MTA2: variants seen among roughly 807,000 people sequenced by gnomAD.
The protein encoded by MTA2 is metastasis associated 1 family member 2.
Under a neutral mutation model 87.1 loss-of-function variants are expected in MTA2, and 22 were observed. That is an observed-to-expected ratio of 0.25 (90% CI 0.18 to 0.36). MTA2 has a LOEUF of 0.36. MTA2 is among the 10% of genes least tolerant of loss of function. The pLI, the probability that MTA2 is intolerant of heterozygous loss-of-function variation, is 1.00. For missense variants in MTA2, 542 were observed against 853.2 expected, an observed-to-expected ratio of 0.64 and a Z score of 4.54; for synonymous variants, 314 against 310.1, an observed-to-expected ratio of 1.01 and a Z score of -0.13.
chr11:62,596,224 C>T, intron 11 of MTA2, 55 bp downstream of exon 11: 1 of 1,602,932 alleles, frequency 6.2e-7, no homozygotes, highest in Non-Finnish European at 8.5e-7. Flanking sequence ...GAGGAAGGCA[C>T]AAGTTAGGGG....
rs996545013 is a variant in MTA2, at chr11:62,593,591, C to T, written c.*284G>A. The T allele has an allele frequency of 5.8e-6, 2 of 344,484 alleles. No homozygotes were observed. Among genetic ancestry groups the T allele is most frequent in the Non-Finnish European group, 1.1e-5 (2 of 188,260 alleles). 21.3% of individuals were successfully genotyped at this position (344,484 alleles called of 1,614,324 possible). Reference sequence around the variant, plus strand: ...TTTTAAAAAATTAAAAAACCCTCCCCCCAAAACTGTCCAAGACATCTGTGG... The same window carrying T: ...TTTTAAAAAATTAAAAAACCCTCCCTCCAAAACTGTCCAAGACATCTGTGG... On this transcript the variant is annotated 3_prime_UTR_variant, in exon 18 of 18. Transcript: ENST00000278823.
At chr11:62,600,473 C>G (rs896636302) in intron 2 of MTA2, 149 bp downstream of exon 2, 2 of 857,724 alleles carry the variant, frequency 2.3e-6, no homozygotes, top group African/African-American at 1.7e-5. Context: ...TTCCTGCTAA[C>G]CTCTCAATAG....
At chr11:62,594,111 A>G (rs1590728818) in intron 17 of MTA2, 71 bp from the exon 18 acceptor site, 1 of 1,549,710 alleles carries the variant, frequency 6.5e-7, no homozygotes, top group Non-Finnish European at 8.7e-7. Flanking sequence ...GAAGCCCCAC[A>G]CTGCAATTAT....
rs1565047160 is a variant in MTA2 at position 62,601,515 on chromosome 11, G to A, written c.-65C>T. 6 of 1,559,522 alleles carry A rather than the reference G, an allele frequency of 3.8e-6. No homozygotes were observed. Among genetic ancestry groups the A allele is most frequent in the Non-Finnish European group, 5.2e-6 (6 of 1,154,286 alleles). On this transcript the variant is annotated 5_prime_UTR_variant, in exon 1 of 18. Coordinates refer to ENST00000278823, the MANE Select transcript of MTA2 (RefSeq NM_004739.4). Reference sequence around the variant, plus strand: ...CGGGAGGCTCGCGGGGGCAGGGCTCGGCTCGAGGCAAAGCCCCGAACGGTG... The same window carrying A: ...CGGGAGGCTCGCGGGGGCAGGGCTCAGCTCGAGGCAAAGCCCCGAACGGTG...
chr11:62,598,106 C>A lies in MTA2; in HGVS notation c.408G>T (p.Val136=). The part of the protein sequence containing the change: ...CFFYSLVFDP[V]QKTLLADQGE... ...CCTGATCAGCGAGAAGTGTCTTCTG[C>A]ACGGGGTCAAACACCAGTGAGTAAA... Residue 136 remains valine (V), a synonymous_variant, in exon 6 of 18, where the codon GTG becomes GTT. Coordinates refer to ENST00000278823, the MANE Select transcript of MTA2 (RefSeq NM_004739.4). 1 of 1,614,006 alleles carries A rather than the reference C, an allele frequency of 6.2e-7. No individual in the cohort carries two copies. Among genetic ancestry groups the A allele is most frequent in the Non-Finnish European group, 8.5e-7 (1 of 1,180,034 alleles).
chr11:62,595,902 C>CGGAGA lies in MTA2; in HGVS notation c.1115-16_1115-12dup, dbSNP rs1565043984. The stretch of plus-strand genomic sequence containing the variant: ...GAGCAGACTGTGTGGCTGTAGAGTA[C>CGGAGA]GGAGAGGAGGGGGACAGGGAAGAAG... On this transcript the variant is annotated splice_polypyrimidine_tract_variant and intron_variant, in intron 12 of 17. Coordinates refer to ENST00000278823, the MANE Select transcript of MTA2 (RefSeq NM_004739.4). The surrounding 1 kb of genome is among the most constrained non-coding windows in gnomAD (Gnocchi z 4.9). The CGGAGA allele has an allele frequency of 6.2e-7, 1 of 1,614,042 alleles. No individual in the cohort carries two copies. Among genetic ancestry groups the CGGAGA allele is most frequent in the Admixed American group, 1.7e-5 (1 of 60,004 alleles).
In MTA2 at chr11:62,593,322, A is replaced by G. The variant is rs978076748; in HGVS notation, c.*553T>C. 4.6e-5 allele frequency: 7 copies of G among 151,014 alleles called. No homozygotes were observed. The highest frequency in any genetic ancestry group is 1.7e-4 in the African/African-American group (7 of 40,996). The allele number at this position is 151,014 out of a possible 1,614,324, so 9.4% of individuals were successfully genotyped here. On this transcript the variant is annotated 3_prime_UTR_variant, in exon 18 of 18. Transcript: ENST00000278823. ...CTGAGAACTGGCGTACAAAAGGCAG[A>G]GGGGGAGGGGAGGGAAGGAAAGAGC...
chr11:62,593,633 C>T lies in MTA2; in HGVS notation c.*242G>A, dbSNP rs553182318. Reference sequence around the variant, plus strand: ...CATCTGTGGGTCCTACCCCCCAAAACAGGCTAGGTTCCCACATGGGCCAAG... The same window carrying T: ...CATCTGTGGGTCCTACCCCCCAAAATAGGCTAGGTTCCCACATGGGCCAAG... On this transcript the variant is annotated 3_prime_UTR_variant, in exon 18 of 18. Coordinates refer to ENST00000278823, the MANE Select transcript of MTA2 (RefSeq NM_004739.4). 1.6e-4 allele frequency: 80 copies of T among 487,282 alleles called. No individual in the cohort carries two copies. The highest frequency in any genetic ancestry group is 1.5e-3 in the African/African-American group (78 of 50,406). The allele number at this position is 487,282 out of a possible 1,614,324, so 30.2% of individuals were successfully genotyped here.
rs529565950 is a variant in MTA2 at position 62,601,731 on chromosome 11, C to T, written c.-281G>A. The T allele has an allele frequency of 9.7e-6, 5 of 517,632 alleles. No individual in the cohort carries two copies. Among genetic ancestry groups the T allele is most frequent in the Non-Finnish European group, 1.3e-5 (4 of 297,052 alleles). 32.1% of individuals were successfully genotyped at this position (517,632 alleles called of 1,614,324 possible). A position where few individuals can be genotyped will look rare whatever the true frequency, so the allele number is the denominator to read the frequency against. The stretch of plus-strand genomic sequence containing the variant: ...CGGCTCCTGCCAGGCCAGAGCCAGG[C>T]TCCAGCTACCCCCGCCCCCGCGGAG... On this transcript the variant is annotated 5_prime_UTR_variant, in exon 1 of 18. Transcript: ENST00000278823.
intron 1 of MTA2, 58 bp from the exon 2 acceptor site, chr11:62,600,747 G>A: frequency 6.6e-7 from 1 of 1,508,524 alleles, no homozygotes; most frequent in Non-Finnish European, 9.2e-7. Context: ...GAGACGCAGA[G>A]CACCAGGGTA....
Position 62,598,683 on chromosome 11 carries a change from G to C in MTA2, c.191-44C>G, listed in dbSNP as rs191844888. The C allele has an allele frequency of 3.3e-6, 5 of 1,518,858 alleles. No individual in the cohort carries two copies. The African/African-American group carries it at 6.9e-5, about 21-fold the overall frequency. 94.1% of individuals were successfully genotyped at this position (1,518,858 alleles called of 1,614,324 possible). On this transcript the variant is annotated intron_variant, in intron 3 of 17. Transcript: ENST00000278823. ...AGAAACCAAGTCAGAAATGGATCCA[G>C]CAAAACACCACCCTGGAAACTCTAA... is the stretch of plus-strand genomic sequence containing the variant.
In MTA2 at chr11:62,595,631, C is replaced by A; in HGVS notation, c.1254+121G>T. Reference sequence around the variant, plus strand: ...TTGGCCTATGTGTCTCCCCAACCAGCATCAAGCACCCCGTCCATCAAACCA... The same window carrying A: ...TTGGCCTATGTGTCTCCCCAACCAGAATCAAGCACCCCGTCCATCAAACCA... On this transcript the variant is annotated intron_variant, in intron 13 of 17. Coordinates refer to ENST00000278823, the MANE Select transcript of MTA2 (RefSeq NM_004739.4). This position sits in a 1 kb window ranked among gnomAD's most constrained non-coding sequence, Gnocchi z 4.9. The A allele has an allele frequency of 6.5e-7, 1 of 1,528,630 alleles. No homozygotes were observed. Among genetic ancestry groups the A allele is most frequent in the Non-Finnish European group, 8.9e-7 (1 of 1,122,906 alleles). The allele number at this position is 1,528,630 out of a possible 1,614,324, so 94.7% of individuals were successfully genotyped here. A position where few individuals can be genotyped will look rare whatever the true frequency, so the allele number is the denominator to read the frequency against.
In MTA2 at chr11:62,597,715, G is replaced by T. The variant is rs760569616; in HGVS notation, c.491-3C>A. ...CTGGTTCCGATTATCAGATTCTCCT[G>T]GGGAAAAGAACAATGGCATCAACAG... On this transcript the variant is annotated splice_region_variant and splice_polypyrimidine_tract_variant and intron_variant, in intron 6 of 17. Transcript: ENST00000278823. 1 of 1,613,466 alleles carries T rather than the reference G, an allele frequency of 6.2e-7. No individual in the cohort carries two copies. Among genetic ancestry groups the T allele is most frequent in the Non-Finnish European group, 8.5e-7 (1 of 1,179,562 alleles).
intron 2 of MTA2, 40 bp from the exon 3 acceptor site, chr11:62,600,299 G>A (rs775165802): frequency 1.9e-6 from 3 of 1,549,244 alleles, no homozygotes; most frequent in East Asian, 4.5e-5. Context: ...CAACGTAGCA[G>A]TGGAAATTGA....
At position 62,597,444 on chromosome 11, in the gene MTA2, G is replaced by A. The variant is rs199964262; in HGVS notation, c.594-29C>T. On this transcript the variant is annotated intron_variant, in intron 7 of 17. Transcript: ENST00000278823. ...AGGGAGAAATTGAGAAGTCAAAAGC[G>A]AAAGAAAAGTCAAAAGCCCAAGTGG... 71 of 1,594,824 alleles carry A rather than the reference G, an allele frequency of 4.5e-5. No individual in the cohort carries two copies. The African/African-American group carries it at 6.7e-4, about 15-fold the overall frequency.
intron 3 of MTA2, among the ~76,000 whole-genome samples, chr11:62,598,982 G>A (rs11231156): frequency 0.26 from 39,016 of 152,160 alleles, 5,972 homozygotes; most frequent in Non-Finnish European, 0.36. Context: ...AAACCAGCCT[G>A]AGGTCCAGGA....
intron 2 of MTA2, 155 bp from the exon 3 acceptor site, chr11:62,600,414 T>G (rs931496328): frequency 3.7e-6 from 3 of 805,116 alleles, no homozygotes; most frequent in African/African-American, 3.5e-5. Flanking sequence ...CATTCAAGGA[T>G]AGACTTCCAA....
Position 62,595,644 on chromosome 11 carries a change from G to A in MTA2, c.1254+108C>T, listed in dbSNP as rs888778228. On this transcript the variant is annotated intron_variant, in intron 13 of 17. Coordinates refer to ENST00000278823, the MANE Select transcript of MTA2 (RefSeq NM_004739.4). This position sits in a 1 kb window ranked among gnomAD's most constrained non-coding sequence, Gnocchi z 4.9. The stretch of plus-strand genomic sequence containing the variant: ...CTCCCCAACCAGCATCAAGCACCCC[G>A]TCCATCAAACCATCACCATATAAAG... The A allele has an allele frequency of 3.1e-5, 48 of 1,540,438 alleles. No individual in the cohort carries two copies. The highest frequency in any genetic ancestry group is 4.5e-5 in the East Asian group (2 of 44,374).
intron 1 of MTA2, 134 bp from the exon 2 acceptor site, chr11:62,600,823 G>A (rs996977193): frequency 1.4e-6 from 1 of 690,114 alleles, no homozygotes; most frequent in Non-Finnish European, 2.4e-6. Context: ...GCGCTGAGAT[G>A]TGAAAGTGGA....
Sources: gnomAD v4.1 joint callset for allele counts (sites outside exome capture counted in the v4.1 genomes callset) on GRCh38, gnomAD v4.1.1 for gene constraint, Gnocchi (gnomAD v3.1) non-coding constraint, MANE v1.5 for transcripts, NCBI Gene and HGNC (gene_info 2026-07-23, HGNC 2026-07-21) for gene names.